The following SP6 variants were observed in gnomAD, a reference collection of about 807,000 sequenced individuals.
The protein encoded by SP6 is Sp6 transcription factor, also known as transcription factor Sp6.
A neutral mutation model predicts 23.4 loss-of-function variants in SP6; 10 were observed. The observed-to-expected ratio is 0.43, with a 90% CI of 0.26 to 0.72. The LOEUF is 0.72. Among genes scored for constraint, SP6 ranks in the 30% least tolerant of loss-of-function variants. SP6 has a pLI of 0.23. For synonymous variants in SP6, 238 were observed against 238.7 expected (o/e 1.00, Z 0.03); for missense variants, 482 against 523.8 (o/e 0.92, Z 0.78).
At chr17:47,861,248 G>C in the SP6 span, among the ~76,000 whole-genome samples, 1 of 152,180 alleles carries the variant, frequency 6.6e-6, no homozygotes. Flanking sequence ...AGCTCTGGGG[G>C]TGGCAGAGGC....
chr17:47,857,507 G>T (rs984584037), upstream of SP6, among the ~76,000 whole-genome samples: 36 of 152,172 alleles, frequency 2.4e-4, no homozygotes, highest in Non-Finnish European at 1.8e-4. Context: ...GGTTGGGGGG[G>T]AGTTTGGGAG....
At chr17:47,869,274 C>T in the SP6 span, among the ~76,000 whole-genome samples, 885 of 152,352 alleles carry the variant, frequency 5.8e-3, 2 homozygotes, top group Non-Finnish European at 9.0e-3. Flanking sequence ...TCTCAAAGCA[C>T]CATCTAATTA....
chr17:47,848,402 C>A lies in SP6; in HGVS notation c.28G>T (p.Gly10Cys). 1 of 1,535,372 alleles carries A rather than the reference C, an allele frequency of 6.5e-7. No individual in the cohort carries two copies. Among genetic ancestry groups the A allele is most frequent in the South Asian group, 1.2e-5 (1 of 80,810 alleles). The change falls in exon 2 of 2, where the codon GGC becomes TGC. Residue 10 changes from glycine (G) to cysteine (C), a missense_variant. Physicochemically the swap from Gly to Cys is radical, Grantham distance 159. This residue lies in a region of SP6 where 330 missense variants were observed against 332.3 expected (regional missense o/e 0.99). Transcript: ENST00000536300. This position sits in a 1 kb window ranked among gnomAD's most constrained non-coding sequence, Gnocchi z 5.3. ...TGCGGCGCTTCCGTGTGCTGGCTGC[C>A]CAGAGAGCCGCAGACAGCGGTTAGC... The part of the protein sequence containing the change: MLTAVCGSL[G>C]SQHTEAPHAS...
the SP6 span, among the ~76,000 whole-genome samples, chr17:47,873,362 G>A: frequency 1.1e-4 from 17 of 152,144 alleles, no homozygotes; most frequent in Admixed American, 1.1e-3. Context: ...TACAGATGGG[G>A]AAAAAGAGGC....
chr17:47,864,995 G>C, the SP6 span: 1 of 152,282 alleles, frequency 6.6e-6, no homozygotes, highest in South Asian at 2.1e-4. Flanking sequence ...ATCGACTCAT[G>C]CCAACAGCTT....
the SP6 span, among the ~76,000 whole-genome samples, chr17:47,863,905 A>C: frequency 3.4e-5 from 5 of 148,916 alleles, no homozygotes; most frequent in Non-Finnish European, 5.9e-5. Context: ...AGCCCGGCTA[A>C]TTTTTTGTAT....
upstream of SP6, among the ~76,000 whole-genome samples, chr17:47,854,171 C>T: frequency 6.6e-6 from 1 of 152,188 alleles, no homozygotes; most frequent in East Asian, 1.9e-4. Flanking sequence ...CCTGCCACCC[C>T]TCTTCTTCTC....
Position 47,847,968 on chromosome 17 carries a change from GC to G in SP6, c.461del (p.Gly154AlafsTer30), listed in dbSNP as rs772840452. 6 of 1,578,172 alleles carry G rather than the reference GC, an allele frequency of 3.8e-6. No individual in the cohort carries two copies. The highest frequency in any genetic ancestry group is 4.7e-5 in the East Asian group (2 of 43,000). ...CACAAAGCTGGTGGTCTCCGACGTA[GC>G]CCCCCAAGCCCGCCTGAAGCGCCCC... ...HPGALQAGLG[G>X]YVGDHQLCAP... is the part of the protein sequence containing the mutation. On this transcript the variant is annotated frameshift_variant, in exon 2 of 2. Coordinates refer to ENST00000536300, the MANE Select transcript of SP6 (RefSeq NM_001258248.2). LOFTEE classifies it high-confidence loss of function.
At chr17:47,866,236 TGGAAA>T in the SP6 span, among the ~76,000 whole-genome samples, 1 of 152,014 alleles carries the variant, frequency 6.6e-6, no homozygotes, top group Non-Finnish European at 1.5e-5. Context: ...AGACTCTGGC[TGGAAA>T]GAACGTGGGT....
upstream of SP6, chr17:47,855,941 G>A (rs35598018): frequency 0.11 from 16,762 of 152,352 alleles, 1,154 homozygotes; most frequent in East Asian, 0.22. Flanking sequence ...CCTTCCTTCC[G>A]CAGAGTTGGC....
At position 47,848,296 on chromosome 17, in the gene SP6, G is replaced by A. The variant is rs765403030; in HGVS notation, c.134C>T (p.Ser45Phe). 4 of 1,612,426 alleles carry A rather than the reference G, an allele frequency of 2.5e-6. No homozygotes were observed. The highest frequency in any genetic ancestry group is 3.4e-6 in the Non-Finnish European group (4 of 1,179,460). Residue 45 changes from serine (S) to phenylalanine (F), a missense_variant, in exon 2 of 2, where the codon TCC (serine) becomes TTC (phenylalanine). Physicochemically the swap from Ser to Phe is radical, Grantham distance 155. This residue lies in a region of SP6 where 330 missense variants were observed against 332.3 expected (regional missense o/e 0.99). Coordinates refer to ENST00000536300, the MANE Select transcript of SP6 (RefSeq NM_001258248.2). This position sits in a 1 kb window ranked among gnomAD's most constrained non-coding sequence, Gnocchi z 5.3. Reference sequence around the variant, plus strand: ...CTGCAGCTCTCCAGGCTGCAGCGGGGAGGGGTAGTCCCCGGCCTCAGGGCT... The same window carrying A: ...CTGCAGCTCTCCAGGCTGCAGCGGGAAGGGGTAGTCCCCGGCCTCAGGGCT... ...HTSPEAGDYP[S>F]PLQPGELQSL... is the part of the protein sequence containing the mutation.
chr17:47,869,081 G>A, the SP6 span, among the ~76,000 whole-genome samples: 1 of 152,194 alleles, frequency 6.6e-6, no homozygotes, highest in Non-Finnish European at 1.5e-5. Flanking sequence ...TTGGCCCTGG[G>A]CTCCCTGCTT....
In SP6 at chr17:47,847,345, C is replaced by T. The variant is rs1398138310; in HGVS notation, c.1085G>A (p.Gly362Asp). Residue 362 changes from glycine (G) to aspartate (D), a missense_variant, in exon 2 of 2, where the codon GGC (glycine) becomes GAC (aspartate). Transcript: ENST00000536300. ...KAGGAVEPPG[G>D]KGKREAEGSV... ...GCCCTCGGCCTCGCGTTTGCCTTTG[C>T]CCCCGGGGGGCTCCACTGCGCCGCC... 1.3e-6 allele frequency: 2 copies of T among 1,597,064 alleles called. No homozygotes were observed. Among genetic ancestry groups the T allele is most frequent in the Non-Finnish European group, 1.7e-6 (2 of 1,172,112 alleles).
chr17:47,866,128 G>A, the SP6 span, among the ~76,000 whole-genome samples: 23 of 152,148 alleles, frequency 1.5e-4, no homozygotes, highest in African/African-American at 5.6e-4. Flanking sequence ...GGAATTGGGG[G>A]AAATATAAAG....
At chr17:47,869,744 T>C in the SP6 span, among the ~76,000 whole-genome samples, 4 of 152,176 alleles carry the variant, frequency 2.6e-5, no homozygotes, top group African/African-American at 9.7e-5. Context: ...GGTGGGATAA[T>C]GGGTGCTTTG....
chr17:47,863,521 A>T, the SP6 span: 10 of 146,766 alleles, frequency 6.8e-5, no homozygotes, highest in African/African-American at 2.5e-4. Flanking sequence ...TGGGCATAGG[A>T]GGGTCCCATG....
chr17:47,870,982 G>T, the SP6 span, among the ~76,000 whole-genome samples: 1 of 152,262 alleles, frequency 6.6e-6, no homozygotes, highest in Middle Eastern at 3.4e-3. Flanking sequence ...CCTAAAATGT[G>T]CTGAGAAGAG....
the SP6 span, among the ~76,000 whole-genome samples, chr17:47,874,041 CTCTTCT>C: frequency 6.8e-6 from 1 of 146,506 alleles, no homozygotes; most frequent in Non-Finnish European, 1.5e-5. Context: ...CTTCCTCTTC[CTCTTCT>C]TCTTCTTCTC....
chr17:47,863,995 G>A, the SP6 span, among the ~76,000 whole-genome samples: 71 of 143,430 alleles, frequency 5.0e-4, no homozygotes, highest in Admixed American at 2.4e-3. Flanking sequence ...GAGCTACCGC[G>A]CCTGGCTTTT....
Sources: gnomAD v4.1 joint callset for allele counts (sites outside exome capture counted in the v4.1 genomes callset) on GRCh38, gnomAD v4.1.1 for gene constraint, gnomAD v4.1.1 regional missense constraint, Gnocchi (gnomAD v3.1) non-coding constraint, MANE v1.5 for transcripts, NCBI Gene and HGNC (gene_info 2026-07-23, HGNC 2026-07-21) for gene names.